Variants in EPM2A observed in about 807,000 individuals in gnomAD.
EPM2A encodes the protein laforin.
Under a neutral mutation model 26.5 loss-of-function variants are expected in EPM2A, and 21 were observed. That is an observed-to-expected ratio of 0.79 (90% CI 0.56 to 1.14). The LOEUF is 1.14. EPM2A is among the 50% of genes most tolerant of loss of function. The pLI is 0.00. For missense variants in EPM2A, 458 were observed against 440.8 expected (o/e 1.04, Z -0.35); for synonymous variants, 217 against 177.6 (o/e 1.22, Z -1.76).
At position 145,556,927 on chromosome 6, in the gene EPM2A, C is replaced by T. The variant is rs572548615; in HGVS notation, c.341-54352G>A. Among the ~76,000 whole-genome samples, 3 of 152,118 alleles carry T rather than the reference C, an allele frequency of 2.0e-5. No individual in the cohort carries two copies. In the East Asian group the frequency reaches 5.8e-4, roughly 30 times the overall value. ...GTGGTGTATATATGGAAATATCATA[C>T]ACGATCATGTAAAAAAAGCAAGTCA... On this transcript the variant is annotated intron_variant, in intron 2 of 3. Transcript: ENST00000450221.
chr6:145,443,817 C>G (rs1477486393), intron 4 of EPM2A, among the ~76,000 whole-genome samples: 1 of 152,076 alleles, frequency 6.6e-6, no homozygotes, highest in Non-Finnish European at 1.5e-5. Flanking sequence ...CTCGTGATAG[C>G]AAATGGGTTT....
At chr6:145,408,292 G>T (rs1284032018) in intron 4 of EPM2A, among the ~76,000 whole-genome samples, 1 of 152,114 alleles carries the variant, frequency 6.6e-6, no homozygotes, top group Non-Finnish European at 1.5e-5. Flanking sequence ...ACCAGTAACA[G>T]CTGTACTACC....
chr6:145,456,060 G>A (rs1779258764), intron 4 of EPM2A, among the ~76,000 whole-genome samples: 1 of 151,740 alleles, frequency 6.6e-6, no homozygotes, highest in Non-Finnish European at 1.5e-5. Context: ...CCTCTGTTGT[G>A]TTGTTCTTAT....
chr6:145,404,274 T>G (rs1778536530), intron 4 of EPM2A, among the ~76,000 whole-genome samples: 1 of 152,138 alleles, frequency 6.6e-6, no homozygotes, highest in Admixed American at 6.6e-5. Flanking sequence ...GAACATATTT[T>G]CATATGTTTT....
At chr6:145,501,964 G>T in intron 3 of EPM2A, 1 of 425,188 alleles carries the variant, frequency 2.4e-6, no homozygotes. Context: ...CAAAGTCTTA[G>T]TGCTGGAGTA....
intron 4 of EPM2A, among the ~76,000 whole-genome samples, chr6:145,468,077 T>A (rs1385040670): frequency 1.3e-5 from 2 of 152,070 alleles, no homozygotes; most frequent in Admixed American, 1.3e-4. Flanking sequence ...TGAATACATG[T>A]GTCTGTCCTG....
downstream of EPM2A, among the ~76,000 whole-genome samples, chr6:145,501,094 G>A (rs1779883318): frequency 6.6e-6 from 1 of 152,090 alleles, no homozygotes. Context: ...AGACACTGTG[G>A]AGAGGAGAGG....
Position 145,431,638 on chromosome 6 carries a change from T to A in EPM2A, c.556-47541A>T, listed in dbSNP as rs543682452. ...GATCATCTCAGGCTTCAGCGAGTAGTAATCTTTTTGCAGGAGGAAGGTTTT... is the reference window on the plus strand; with the variant it reads ...GATCATCTCAGGCTTCAGCGAGTAGAAATCTTTTTGCAGGAGGAAGGTTTT... On this transcript the variant is annotated intron_variant, in intron 4 of 4. Coordinates refer to the EPM2A transcript ENST00000638717. 4.6e-5 allele frequency among the ~76,000 whole-genome samples: 7 copies of A among 152,316 alleles called. No homozygotes were observed. In the East Asian group the frequency reaches 1.4e-3, roughly 29 times the overall value.
intron 2 of EPM2A, among the ~76,000 whole-genome samples, chr6:145,548,107 G>A (rs183232167): frequency 6.6e-6 from 1 of 152,132 alleles, no homozygotes; most frequent in East Asian, 1.9e-4. Flanking sequence ...ACTCCCGCAT[G>A]CTGCAGTGAA....
intron 4 of EPM2A, among the ~76,000 whole-genome samples, chr6:145,442,766 T>C (rs1048570849): frequency 5.9e-5 from 9 of 152,166 alleles, no homozygotes; most frequent in African/African-American, 1.9e-4. Context: ...TTCTGTTCCA[T>C]TGGTCTATGT....
intron 4 of EPM2A, among the ~76,000 whole-genome samples, chr6:145,407,117 T>C (rs1418248557): frequency 6.6e-6 from 1 of 152,126 alleles, no homozygotes; most frequent in East Asian, 1.9e-4. Context: ...TCCCTGTCTT[T>C]GGCAGTAAAG....
At chr6:145,680,549 AC>A (rs1780443627) in intron 2 of EPM2A, among the ~76,000 whole-genome samples, 1 of 123,540 alleles carries the variant, frequency 8.1e-6, no homozygotes, top group Non-Finnish European at 1.7e-5. Context: ...CACTCCCCCC[AC>A]CCCACAACAG....
intron 2 of EPM2A, among the ~76,000 whole-genome samples, chr6:145,535,394 AT>A (rs1382589656): frequency 6.6e-6 from 1 of 152,186 alleles, no homozygotes; most frequent in Admixed American, 6.5e-5. Flanking sequence ...CTGGGGAGTT[AT>A]TTTTTAAAAT....
chr6:145,473,314 A>G (rs1779500178), intron 4 of EPM2A, among the ~76,000 whole-genome samples: 1 of 151,146 alleles, frequency 6.6e-6, no homozygotes, highest in Non-Finnish European at 1.5e-5. Context: ...AAGCAGAAGA[A>G]AAAAAAAATA....
intron 2 of EPM2A, among the ~76,000 whole-genome samples, chr6:145,612,587 T>C (rs1775414005): frequency 6.6e-6 from 1 of 151,948 alleles, no homozygotes; most frequent in Non-Finnish European, 1.5e-5. Context: ...ACTGCAGATT[T>C]GGTGCCAGAC....
chr6:145,668,427 T>C (rs1446428698), intron 2 of EPM2A, among the ~76,000 whole-genome samples: 3 of 152,318 alleles, frequency 2.0e-5, no homozygotes, highest in East Asian at 1.9e-4. Context: ...AGGTCCTTTT[T>C]ATAATTAATT....
intron 2 of EPM2A, among the ~76,000 whole-genome samples, chr6:145,658,872 A>G (rs963481442): frequency 5.3e-5 from 8 of 151,968 alleles, no homozygotes; most frequent in African/African-American, 1.9e-4. Context: ...CCATTTTCCT[A>G]TTGTGTTTGT....
intron 3 of EPM2A, among the ~76,000 whole-genome samples, chr6:145,632,807 A>C (rs1449572483): frequency 1.1e-4 from 17 of 152,234 alleles, no homozygotes; most frequent in African/African-American, 3.4e-4. Flanking sequence ...ACATTGGTCT[A>C]TTGGTAAAAA....
intron 4 of EPM2A, among the ~76,000 whole-genome samples, chr6:145,402,591 T>C (rs1778505350): frequency 6.6e-6 from 1 of 152,166 alleles, no homozygotes; most frequent in African/African-American, 2.4e-5. Flanking sequence ...AAGATATTCT[T>C]GTTTTTAGGA....
Sources: allele counts gnomAD v4.1 joint callset (sites outside exome capture counted in the v4.1 genomes callset), GRCh38; gene constraint gnomAD v4.1.1; transcripts MANE v1.5; gene names NCBI Gene and HGNC (gene_info 2026-07-23, HGNC 2026-07-21).